Variants in HESX1 observed in about 807,000 individuals in gnomAD.
The protein encoded by HESX1 is HESX homeobox 1, also known as homeobox expressed in ES cells 1.
Under a neutral mutation model 22.5 loss-of-function variants are expected in HESX1, and 11 were observed. The ratio of observed to expected loss-of-function variants is 0.49; its 90% CI spans 0.31 to 0.81. HESX1 has a LOEUF of 0.81. Among genes scored for constraint, HESX1 ranks in the 30% least tolerant of loss-of-function variants. The pLI is 0.05. For missense variants in HESX1, 201 were observed against 212.6 expected (o/e 0.95, Z 0.34); for synonymous variants, 74 against 76.5 (o/e 0.97, Z 0.17).
intron 1 of HESX1, among the ~76,000 whole-genome samples, chr3:57,216,895 T>G (rs1191608916): frequency 1.3e-5 from 2 of 152,224 alleles, no homozygotes; most frequent in African/African-American, 4.8e-5. Context: ...AATTTTTGAA[T>G]TATTTATATC....
chr3:57,213,924 TAAAC>T (rs2060570455), intron 1 of HESX1, among the ~76,000 whole-genome samples: 1 of 152,116 alleles, frequency 6.6e-6, no homozygotes. Context: ...CCGTCTCAAA[TAAAC>T]AAATAAATAA....
chr3:57,213,603 C>G (rs1053772337), intron 1 of HESX1, among the ~76,000 whole-genome samples: 2 of 152,176 alleles, frequency 1.3e-5, no homozygotes, highest in Non-Finnish European at 2.9e-5. Context: ...AACATTGTTC[C>G]TGGGGGATAA....
chr3:57,198,606 G>T, intron 2 of HESX1, 114 bp from the exon 3 acceptor site: 1 of 1,017,132 alleles, frequency 9.8e-7, no homozygotes, highest in Non-Finnish European at 1.5e-6. Flanking sequence ...TTTTAAAAAT[G>T]ATTACCTGGA....
At chr3:57,219,040 T>C (rs777267463) in intron 1 of HESX1, among the ~76,000 whole-genome samples, 1 of 152,224 alleles carries the variant, frequency 6.6e-6, no homozygotes, top group Non-Finnish European at 1.5e-5. Flanking sequence ...ACCAATAGTG[T>C]ACAAGTGTTC....
intron 2 of HESX1, 119 bp downstream of exon 2, chr3:57,198,634 A>G: frequency 1.9e-6 from 2 of 1,042,254 alleles, no homozygotes; most frequent in Non-Finnish European, 3.0e-6. Flanking sequence ...AAAATATGGT[A>G]GTCTACTGTT....
chr3:57,211,527 CAAAAAA>C (rs61137408), intron 1 of HESX1, among the ~76,000 whole-genome samples: 2,214 of 31,860 alleles, frequency 0.069, 36 homozygotes, highest in Middle Eastern at 0.18. Flanking sequence ...GAGACCTTGT[CAAAAAA>C]AAAAAAAAAA....
chr3:57,225,755 C>G (rs1384931593), intron 1 of HESX1, among the ~76,000 whole-genome samples: 2 of 152,116 alleles, frequency 1.3e-5, no homozygotes. Flanking sequence ...ACATAACATA[C>G]TAAGAAGGAA....
chr3:57,218,854 T>C (rs900125132), intron 1 of HESX1, among the ~76,000 whole-genome samples: 2 of 152,252 alleles, frequency 1.3e-5, no homozygotes, highest in African/African-American at 4.8e-5. Flanking sequence ...TCTTTGCTAT[T>C]GTGACTAGTG....
intron 1 of HESX1, among the ~76,000 whole-genome samples, chr3:57,224,251 T>C (rs540371787): frequency 6.6e-6 from 1 of 152,354 alleles, no homozygotes; most frequent in African/African-American, 2.4e-5. Context: ...CCCGAAGTGC[T>C]GGGATTACAG....
chr3:57,217,746 C>A (rs1167514202), intron 1 of HESX1, among the ~76,000 whole-genome samples: 1 of 152,168 alleles, frequency 6.6e-6, no homozygotes, highest in Non-Finnish European at 1.5e-5. Context: ...TCCCACCCCA[C>A]ACAAAAGCCC....
At chr3:57,205,591 C>T (rs1025187154) in intron 1 of HESX1, among the ~76,000 whole-genome samples, 3 of 152,182 alleles carry the variant, frequency 2.0e-5, no homozygotes, top group African/African-American at 7.2e-5. Flanking sequence ...ACAGTCTTCC[C>T]TCAAGGCATT....
chr3:57,207,650 T>C (rs1280728544), intron 1 of HESX1, among the ~76,000 whole-genome samples: 1 of 152,228 alleles, frequency 6.6e-6, no homozygotes, highest in Non-Finnish European at 1.5e-5. Context: ...GAAATTCAGA[T>C]ATGGGAGTTA....
chr3:57,199,104 A>G (rs371755633), intron 1 of HESX1, 152 bp from the exon 2 acceptor site: 1 of 698,058 alleles, frequency 1.4e-6, no homozygotes, highest in Non-Finnish European at 2.5e-6. Context: ...AACCAATAAA[A>G]AATGAAGATC....
chr3:57,222,645 G>A (rs918358989), intron 1 of HESX1, among the ~76,000 whole-genome samples: 1 of 151,736 alleles, frequency 6.6e-6, no homozygotes, highest in Non-Finnish European at 1.5e-5. Flanking sequence ...TTAACTTTGG[G>A]GCACCTCTAC....
upstream of HESX1, among the ~76,000 whole-genome samples, chr3:57,204,911 A>G (rs2060511416): frequency 6.6e-6 from 1 of 152,172 alleles, no homozygotes; most frequent in African/African-American, 2.4e-5. Flanking sequence ...GTACTGGAAA[A>G]GGAGCAGCTA....
At chr3:57,218,722 C>T (rs896560216) in intron 1 of HESX1, among the ~76,000 whole-genome samples, 6 of 152,142 alleles carry the variant, frequency 3.9e-5, no homozygotes, top group African/African-American at 4.8e-5. Context: ...GGATTACAAA[C>T]GTGAGCCACC....
chr3:57,220,675 C>T (rs373079918), intron 1 of HESX1, among the ~76,000 whole-genome samples: 5 of 152,304 alleles, frequency 3.3e-5, no homozygotes, highest in African/African-American at 1.2e-4. Context: ...AAATGATCCA[C>T]CCACCTTGGC....
At chr3:57,211,694 G>A (rs954317442) in intron 1 of HESX1, among the ~76,000 whole-genome samples, 5 of 151,860 alleles carry the variant, frequency 3.3e-5, no homozygotes, top group Admixed American at 2.0e-4. Flanking sequence ...TTAGCCGGAC[G>A]TAGTGGCAAG....
Position 57,198,963 on chromosome 3 carries a change from A to G in HESX1, c.158-11T>C, listed in dbSNP as rs756051826. 3.7e-6 allele frequency: 6 copies of G among 1,611,202 alleles called. No homozygotes were observed. Among genetic ancestry groups the G allele is most frequent in the Non-Finnish European group, 4.2e-6 (5 of 1,177,450 alleles). On this transcript the variant is annotated splice_polypyrimidine_tract_variant and intron_variant, in intron 1 of 3. Transcript: ENST00000295934. ...AGTTACCATCTTTCCCTAAAAACAAAAAAATAAGCCCTGTCTTAGATGGTC... is the reference window on the plus strand; with the variant it reads ...AGTTACCATCTTTCCCTAAAAACAAGAAAATAAGCCCTGTCTTAGATGGTC...
Sources: allele counts gnomAD v4.1 joint callset (sites outside exome capture counted in the v4.1 genomes callset), GRCh38; gene constraint gnomAD v4.1.1; transcripts MANE v1.5; gene names NCBI Gene and HGNC (gene_info 2026-07-23, HGNC 2026-07-21).